BAZ1A: variants seen among roughly 807,000 people sequenced by gnomAD.
BAZ1A encodes the protein bromodomain adjacent to zinc finger domain 1A, also known as bromodomain adjacent to zinc finger domain protein 1A.
A neutral mutation model predicts 185.2 loss-of-function variants in BAZ1A; 50 were observed. The ratio of observed to expected loss-of-function variants is 0.27; its 90% CI spans 0.22 to 0.34. The LOEUF (loss-of-function observed/expected upper bound fraction) is 0.34. BAZ1A is among the 10% of genes least tolerant of loss of function. BAZ1A has a pLI of 1.00. For missense variants in BAZ1A, 1,356 were observed against 1,839.9 expected (o/e 0.74, Z 4.81); for synonymous variants, 571 against 615.6 (o/e 0.93, Z 1.07).
intron 3 of BAZ1A, among the ~76,000 whole-genome samples, chr14:34,845,623 G>A (rs1470290241): frequency 1.3e-5 from 2 of 152,112 alleles, no homozygotes; most frequent in African/African-American, 4.8e-5. Context: ...CACTTTGGGA[G>A]GCCGAGGTGG....
intron 5 of BAZ1A, among the ~76,000 whole-genome samples, chr14:34,810,510 T>C (rs1267789337): frequency 4.6e-5 from 7 of 152,244 alleles, no homozygotes; most frequent in Admixed American, 4.6e-4. Context: ...TTTATTAACA[T>C]TAAAAATTGA....
Position 34,875,251 on chromosome 14 carries a change from C to G in BAZ1A, c.-172G>C, listed in dbSNP as rs2043030379. ...CCGGCCCCGCCGCGCCCCTGGCTGC[C>G]GCTTCTCCCGCTGCCACTGCCCGAC... On this transcript the variant is annotated 5_prime_UTR_variant, in exon 1 of 27. Coordinates refer to ENST00000360310, the MANE Select transcript of BAZ1A (RefSeq NM_013448.3). 1 of 454,574 alleles carries G rather than the reference C, an allele frequency of 2.2e-6. No homozygotes were observed. The highest frequency in any genetic ancestry group is 4.4e-6 in the Non-Finnish European group (1 of 226,260). 28.2% of individuals were successfully genotyped at this position (454,574 alleles called of 1,614,324 possible). A position where few individuals can be genotyped will look rare whatever the true frequency, so the allele number is the denominator to read the frequency against.
intron 14 of BAZ1A, among the ~76,000 whole-genome samples, chr14:34,784,556 C>T (rs575889060): frequency 9.9e-5 from 15 of 151,604 alleles, no homozygotes; most frequent in African/African-American, 3.1e-4. Context: ...CTCGCTCTGA[C>T]GCCCAGGCTG....
rs2042782843 is a variant in BAZ1A at position 34,862,394 on chromosome 14, T to G, written c.114-72A>C. On this transcript the variant is annotated intron_variant, in intron 2 of 26. Coordinates refer to ENST00000360310, the MANE Select transcript of BAZ1A (RefSeq NM_013448.3). ...TCACAAATTTTACATTAAAAACTGA[T>G]AGCATTATCAGGTTATTTTTGTGCC... The G allele has an allele frequency of 3.3e-6, 5 of 1,507,750 alleles. No homozygotes were observed. In the African/African-American group the frequency reaches 5.6e-5, roughly 17 times the overall value. 93.4% of individuals were successfully genotyped at this position (1,507,750 alleles called of 1,614,324 possible).
chr14:34,832,883 T>C (rs1382669442), intron 3 of BAZ1A, among the ~76,000 whole-genome samples: 2 of 152,188 alleles, frequency 1.3e-5, no homozygotes, highest in Non-Finnish European at 1.5e-5. Context: ...AGCAGTATTA[T>C]TCACAATAGC....
At chr14:34,865,860 C>G (rs1031251982) in intron 2 of BAZ1A, among the ~76,000 whole-genome samples, 1 of 152,212 alleles carries the variant, frequency 6.6e-6, no homozygotes, top group Middle Eastern at 3.4e-3. Context: ...TTTAAAAATA[C>G]TATTAGAACT....
intron 3 of BAZ1A, among the ~76,000 whole-genome samples, chr14:34,846,831 AAC>A (rs2042520013): frequency 6.6e-6 from 1 of 152,340 alleles, no homozygotes; most frequent in East Asian, 1.9e-4. Context: ...CCAGAGAAAG[AAC>A]AGTTATCCCT....
At chr14:34,807,426 AC>A (rs1204376173) in intron 6 of BAZ1A, 24 bp downstream of exon 6, 1 of 1,533,270 alleles carries the variant, frequency 6.5e-7, no homozygotes, top group South Asian at 1.2e-5. Context: ...CTGTCTTCCA[AC>A]AAATAATTTC....
rs138917569 is a variant in BAZ1A at position 34,802,891 on chromosome 14, C to T, written c.824G>A (p.Arg275Gln). Residue 275 changes from arginine (R) to glutamine (Q), a missense_variant, in exon 7 of 27, where the codon CGA becomes CAA. By Grantham distance (43) the Arg-to-Gln change is conservative (BLOSUM62 1). Coordinates refer to ENST00000360310, the MANE Select transcript of BAZ1A (RefSeq NM_013448.3). ...PTFIFSPANRRRGRPPKRIHI... is the reference protein window; with the variant it reads ...PTFIFSPANRQRGRPPKRIHI... ...TATTCGTTTGGGAGGTCTCCCTCTTCGTCTGTTAGCAGGACTGAAGATAAA... is the reference window on the plus strand; with the variant it reads ...TATTCGTTTGGGAGGTCTCCCTCTTTGTCTGTTAGCAGGACTGAAGATAAA... 3.0e-5 allele frequency: 48 copies of T among 1,613,610 alleles called. No homozygotes were observed. Among genetic ancestry groups the T allele is most frequent in the Non-Finnish European group, 3.9e-5 (46 of 1,179,650 alleles).
chr14:34,764,560 G>A, intron 23 of BAZ1A, 147 bp downstream of exon 23: 1 of 1,129,370 alleles, frequency 8.9e-7, no homozygotes, highest in East Asian at 2.6e-5. Context: ...CCAAAGTGCT[G>A]GGATTATAGG....
At chr14:34,789,606 T>C (rs1410004447) in intron 12 of BAZ1A, among the ~76,000 whole-genome samples, 1 of 152,252 alleles carries the variant, frequency 6.6e-6, no homozygotes, top group Admixed American at 6.5e-5. Context: ...AAAACTGTTC[T>C]ATATAAAGAG....
intron 3 of BAZ1A, among the ~76,000 whole-genome samples, chr14:34,855,057 C>T (rs1026005085): frequency 2.0e-5 from 3 of 151,956 alleles, no homozygotes. Context: ...CCAGCCTGGG[C>T]GACAGAGTGT....
At chr14:34,861,992 T>C in intron 3 of BAZ1A, 52 bp downstream of exon 3, 1 of 1,568,788 alleles carries the variant, frequency 6.4e-7, no homozygotes, top group Non-Finnish European at 8.7e-7. Flanking sequence ...GTTTTGGATT[T>C]TGAGCAATGT....
At chr14:34,842,346 T>A (rs942222152) in intron 3 of BAZ1A, among the ~76,000 whole-genome samples, 16 of 152,216 alleles carry the variant, frequency 1.1e-4, no homozygotes, top group African/African-American at 3.9e-4. Context: ...ACAGCATTCT[T>A]TCATCTGCTA....
intron 18 of BAZ1A, among the ~76,000 whole-genome samples, 179 bp from the exon 19 acceptor site, chr14:34,774,669 C>T (rs1178176401): frequency 2.0e-5 from 3 of 152,174 alleles, no homozygotes; most frequent in Non-Finnish European, 2.9e-5. Flanking sequence ...TGTACAGCTA[C>T]TCAGGAGGCT....
At chr14:34,810,103 C>T (rs2138675159) in intron 5 of BAZ1A, among the ~76,000 whole-genome samples, 1 of 152,216 alleles carries the variant, frequency 6.6e-6, no homozygotes, top group South Asian at 2.1e-4. Context: ...ATATTATTAT[C>T]ACTTTCGTTT....
intron 3 of BAZ1A, among the ~76,000 whole-genome samples, chr14:34,832,191 T>TAC (rs57379319): frequency 0.029 from 2,774 of 96,590 alleles, 181 homozygotes; most frequent in African/African-American, 0.084. Flanking sequence ...TATATACATA[T>TAC]ACACACACAC....
chr14:34,859,221 T>C (rs1232104110), intron 3 of BAZ1A, among the ~76,000 whole-genome samples: 5 of 152,116 alleles, frequency 3.3e-5, no homozygotes, highest in African/African-American at 9.7e-5. Flanking sequence ...GTGGGATTAT[T>C]GTTTGAGCTC....
intron 6 of BAZ1A, among the ~76,000 whole-genome samples, chr14:34,803,252 G>A (rs1193306706): frequency 6.6e-6 from 1 of 151,942 alleles, no homozygotes; most frequent in African/African-American, 2.4e-5. Context: ...GGTGGCACAC[G>A]TCTGTAGTCC....
Sources: gnomAD v4.1 joint callset for allele counts (sites outside exome capture counted in the v4.1 genomes callset) on GRCh38, gnomAD v4.1.1 for gene constraint, MANE v1.5 for transcripts, NCBI Gene and HGNC (gene_info 2026-07-23, HGNC 2026-07-21) for gene names.